The following FHIT variants were observed in gnomAD, a reference collection of about 807,000 sequenced individuals.
FHIT encodes fragile histidine triad diadenosine triphosphatase, also known as bis(5'-adenosyl)-triphosphatase.
FHIT carries 19 observed loss-of-function variants against 17.9 expected under a neutral mutation model. The ratio of observed to expected loss-of-function variants is 1.06; its 90% CI spans 0.74 to 1.56. The LOEUF (loss-of-function observed/expected upper bound fraction) is 1.56. FHIT is among the 40% of genes most tolerant of loss of function. The pLI is 0.00. For synonymous variants in FHIT, 81 were observed against 69.7 expected (o/e 1.16, Z -0.81); for missense variants, 248 against 189.2 (o/e 1.31, Z -1.82).
chr3:60,283,139 A>G (rs1297764841), intron 5 of FHIT, among the ~76,000 whole-genome samples: 1 of 152,112 alleles, frequency 6.6e-6, no homozygotes, highest in Non-Finnish European at 1.5e-5. Context: ...AAAGAAATAA[A>G]CTAATTAGAT....
At chr3:60,970,047 C>T (rs538973329) in intron 3 of FHIT, among the ~76,000 whole-genome samples, 5 of 152,232 alleles carry the variant, frequency 3.3e-5, no homozygotes, top group Non-Finnish European at 7.4e-5. Flanking sequence ...TGGTCTTAAA[C>T]TCCTACACTG....
intron 7 of FHIT, among the ~76,000 whole-genome samples, chr3:59,947,550 T>C (rs531000599): frequency 1.3e-5 from 2 of 152,282 alleles, no homozygotes; most frequent in African/African-American, 4.8e-5. Context: ...GAGGGTTTGA[T>C]TATGGTATAA....
At chr3:60,109,438 A>C (rs1704575465) in intron 5 of FHIT, among the ~76,000 whole-genome samples, 1 of 152,186 alleles carries the variant, frequency 6.6e-6, no homozygotes, top group Non-Finnish European at 1.5e-5. Flanking sequence ...GGAACGGAAA[A>C]AAAAATTCCA....
intron 5 of FHIT, among the ~76,000 whole-genome samples, chr3:60,444,138 A>G (rs1252282057): frequency 6.6e-6 from 1 of 152,212 alleles, no homozygotes; most frequent in Non-Finnish European, 1.5e-5. Context: ...TCAAAACCAC[A>G]GTGAGATACC....
intron 2 of FHIT, among the ~76,000 whole-genome samples, chr3:61,051,456 C>G (rs1039022485): frequency 1.3e-5 from 2 of 152,042 alleles, no homozygotes; most frequent in African/African-American, 4.8e-5. Context: ...CACCATGTTG[C>G]CCAGGCTGAT....
At chr3:59,757,180 T>TAAA (rs1388556270) in intron 8 of FHIT, among the ~76,000 whole-genome samples, 12 of 152,200 alleles carry the variant, frequency 7.9e-5, no homozygotes, top group African/African-American at 2.7e-4. Context: ...ACAGAAGCTT[T>TAAA]GTTCTTTAGA....
At chr3:60,711,756 C>T (rs1453139513) in intron 4 of FHIT, among the ~76,000 whole-genome samples, 1 of 152,118 alleles carries the variant, frequency 6.6e-6, no homozygotes, top group African/African-American at 2.4e-5. Context: ...ACAAAGCCTC[C>T]AAGAAATATG....
At chr3:61,021,228 T>A (rs1328425198) in intron 3 of FHIT, among the ~76,000 whole-genome samples, 1 of 152,192 alleles carries the variant, frequency 6.6e-6, no homozygotes, top group Non-Finnish European at 1.5e-5. Context: ...GAATATACAT[T>A]CTTCTCAGCA....
chr3:60,374,945 T>C (rs1027742765), intron 5 of FHIT, among the ~76,000 whole-genome samples: 3 of 152,050 alleles, frequency 2.0e-5, no homozygotes, highest in Non-Finnish European at 4.4e-5. Flanking sequence ...GCCAAGTTAA[T>C]GCACATGATA....
chr3:59,946,729 C>A (rs1706824050), intron 7 of FHIT, among the ~76,000 whole-genome samples: 1 of 152,066 alleles, frequency 6.6e-6, no homozygotes, highest in African/African-American at 2.4e-5. Context: ...AGAAGGATGT[C>A]TAATTTTATC....
At position 60,250,113 on chromosome 3, in the gene FHIT, G is replaced by A. The variant is rs141774637; in HGVS notation, c.104-235961C>T. Among the ~76,000 whole-genome samples the A allele has an allele frequency of 6.1e-4, 92 of 151,904 alleles. 1 individual carries two copies. Among genetic ancestry groups the A allele is most frequent in the Admixed American group, 3.5e-3 (54 of 15,252 alleles). The stretch of plus-strand genomic sequence containing the variant: ...TAACCAAACCATATCAGAGAAAAAC[G>A]TAGAGAGAAAAAAGGGGAAAGAGAA... On this transcript the variant is annotated intron_variant, in intron 5 of 9. Coordinates refer to ENST00000492590, the MANE Select transcript of FHIT (RefSeq NM_002012.4).
chr3:60,187,598 G>T (rs557088728), intron 5 of FHIT, among the ~76,000 whole-genome samples: 14 of 152,120 alleles, frequency 9.2e-5, no homozygotes, highest in Non-Finnish European at 1.9e-4. Context: ...CACCAGCCCT[G>T]CCTATTACAT....
intron 8 of FHIT, among the ~76,000 whole-genome samples, chr3:59,772,533 G>A (rs960918980): frequency 1.3e-5 from 2 of 152,230 alleles, no homozygotes; most frequent in Non-Finnish European, 2.9e-5. Flanking sequence ...GCTGAGCACA[G>A]AGAGGTCGGG....
intron 4 of FHIT, among the ~76,000 whole-genome samples, chr3:60,785,743 T>C (rs1700543594): frequency 6.6e-6 from 1 of 152,176 alleles, no homozygotes; most frequent in African/African-American, 2.4e-5. Context: ...TCAATTCCAC[T>C]TAAAGCAACA....
intron 2 of FHIT, among the ~76,000 whole-genome samples, chr3:61,106,126 A>T (rs2035981678): frequency 6.6e-6 from 1 of 152,220 alleles, no homozygotes; most frequent in Non-Finnish European, 1.5e-5. Context: ...GACCTACTTC[A>T]CAAGGGAGAT....
intron 4 of FHIT, among the ~76,000 whole-genome samples, chr3:60,762,491 A>G (rs1553720285): frequency 6.6e-6 from 1 of 152,172 alleles, no homozygotes. Context: ...GCAAGGCATA[A>G]CCATGCAGAA....
At chr3:60,715,086 G>A (rs868923399) in intron 4 of FHIT, among the ~76,000 whole-genome samples, 3 of 151,998 alleles carry the variant, frequency 2.0e-5, no homozygotes, top group Non-Finnish European at 4.4e-5. Context: ...CCAAAACAGA[G>A]ATATAGATCA....
intron 2 of FHIT, among the ~76,000 whole-genome samples, chr3:61,145,546 T>C (rs2037204079): frequency 6.6e-6 from 1 of 152,010 alleles, no homozygotes; most frequent in South Asian, 2.1e-4. Context: ...TGTCACTTTC[T>C]GGGGAAAAAA....
chr3:60,278,240 A>C lies in FHIT; in HGVS notation c.103+258620T>G, dbSNP rs566340852. On this transcript the variant is annotated intron_variant, in intron 5 of 9. Transcript: ENST00000492590. ...ATGTTCTCATGGGGAAGTCTGGAGA[A>C]AAATCTCAGGGAAGAGAAAAAGTAA... Among the ~76,000 whole-genome samples, 4 of 152,320 alleles carry C rather than the reference A, an allele frequency of 2.6e-5. No homozygotes were observed. In the South Asian group the frequency reaches 8.3e-4, roughly 32 times the overall value.
Sources: allele counts gnomAD v4.1 joint callset (sites outside exome capture counted in the v4.1 genomes callset), GRCh38; gene constraint gnomAD v4.1.1; transcripts MANE v1.5; gene names NCBI Gene and HGNC (gene_info 2026-07-23, HGNC 2026-07-21).